The following ACOXL variants were observed in gnomAD, a reference collection of about 807,000 sequenced individuals.
The protein encoded by ACOXL is acyl-CoA oxidase like.
In ACOXL, 70 loss-of-function variants were observed where a neutral mutation model predicts 71.9. The ratio of observed to expected loss-of-function variants is 0.97; its 90% confidence interval spans 0.80 to 1.19. ACOXL has a LOEUF of 1.19. Among genes scored for constraint, ACOXL ranks in the 50% most tolerant of loss-of-function variants. ACOXL has a pLI of 0.00. For synonymous variants in ACOXL, 253 were observed against 281.6 expected (o/e 0.90, Z 1.02); for missense variants, 703 against 736.3 (o/e 0.95, Z 0.52).
At position 111,040,202 on chromosome 2, in the gene ACOXL, T is replaced by C. The variant is rs1558900745; in HGVS notation, c.1369+8488T>C. On this transcript the variant is annotated intron_variant, in intron 15 of 17. Coordinates refer to ENST00000439055, the MANE Select transcript of ACOXL (RefSeq NM_001142807.4). ...GAGCAGCTGAGCTCAGTTTGCTCTGTTCTTTCTTCTTGCAAGAATCACACA... is the reference window on the plus strand; with the variant it reads ...GAGCAGCTGAGCTCAGTTTGCTCTGCTCTTTCTTCTTGCAAGAATCACACA... Among the ~76,000 whole-genome samples, 4 of 152,198 alleles carry C rather than the reference T, an allele frequency of 2.6e-5. No homozygotes were observed. In the South Asian group the frequency reaches 8.3e-4, roughly 32 times the overall value.
intron 12 of ACOXL, among the ~76,000 whole-genome samples, chr2:110,948,010 T>G (rs2061172273): frequency 7.9e-5 from 12 of 152,228 alleles, no homozygotes; most frequent in Admixed American, 7.9e-4. Flanking sequence ...CAGCAGGACT[T>G]TGTCTTCCCA....
chr2:110,754,069 A>ATTTT, intron 1 of ACOXL, among the ~76,000 whole-genome samples: 1 of 136,936 alleles, frequency 7.3e-6, no homozygotes, highest in Admixed American at 7.2e-5. Context: ...TAGTTCTGTG[A>ATTTT]ATTTTTTTTT....
At chr2:111,037,951 C>A (rs1391208494) in intron 15 of ACOXL, among the ~76,000 whole-genome samples, 1 of 152,216 alleles carries the variant, frequency 6.6e-6, no homozygotes, top group African/African-American at 2.4e-5. Flanking sequence ...TCCTACTACT[C>A]TTACTGGATT....
At position 110,757,061 on chromosome 2, in the gene ACOXL, C is replaced by G. The variant is rs77945874; in HGVS notation, c.-22-11307C>G. Among the ~76,000 whole-genome samples, 310 of 152,262 alleles carry G rather than the reference C, an allele frequency of 2.0e-3. 3 individuals carry two copies. The highest frequency in any genetic ancestry group is 0.02 in the East Asian group (105 of 5,186). ...TGATGCTCTCCCTCCTCCAACCCCC[C>G]CCAAGACAGGCTCCAGTGCATGTTG... is the stretch of plus-strand genomic sequence containing the variant. On this transcript the variant is annotated intron_variant, in intron 1 of 17. Transcript: ENST00000439055.
chr2:110,867,914 C>G (rs762423130), intron 10 of ACOXL, among the ~76,000 whole-genome samples: 10 of 152,228 alleles, frequency 6.6e-5, no homozygotes, highest in Non-Finnish European at 1.2e-4. Context: ...AGGTGCCCAC[C>G]ACCACGCTCA....
intron 2 of ACOXL, among the ~76,000 whole-genome samples, chr2:110,778,006 G>T (rs1682865031): frequency 6.6e-6 from 1 of 152,262 alleles, no homozygotes; most frequent in Non-Finnish European, 1.5e-5. Flanking sequence ...ATTGGGACCA[G>T]CCAGCAGGCA....
rs191496522 is a variant in ACOXL, at chr2:110,921,976, A to G, written c.906-11513A>G. Among the ~76,000 whole-genome samples the G allele has an allele frequency of 2.9e-3, 447 of 152,294 alleles. 3 individuals are homozygous for G. Among genetic ancestry groups the G allele is most frequent in the African/African-American group, 0.01 (420 of 41,566 alleles). On this transcript the variant is annotated intron_variant, in intron 11 of 17. Transcript: ENST00000439055. ...TATGGCTCAGTAAAAATAGTGTTCT[A>G]TGTACACTTAAAAAGGATGTGTATT...
intron 11 of ACOXL, among the ~76,000 whole-genome samples, chr2:110,930,995 C>G (rs943805251): frequency 6.6e-6 from 1 of 152,140 alleles, no homozygotes; most frequent in African/African-American, 2.4e-5. Context: ...GTGGATGTAA[C>G]CCATAAACAA....
intron 14 of ACOXL, among the ~76,000 whole-genome samples, chr2:111,028,496 C>G (rs1418298799): frequency 1.3e-5 from 2 of 152,060 alleles, no homozygotes; most frequent in Non-Finnish European, 2.9e-5. Context: ...CCTTTTCTTG[C>G]CTTATTGCCC....
chr2:111,037,417 C>T (rs1289656248), intron 15 of ACOXL, among the ~76,000 whole-genome samples: 2 of 152,108 alleles, frequency 1.3e-5, no homozygotes, highest in Non-Finnish European at 2.9e-5. Flanking sequence ...GGAAGAAAGG[C>T]AAAAGCAAAG....
chr2:110,956,626 G>A (rs1473436344), intron 12 of ACOXL, among the ~76,000 whole-genome samples: 2 of 152,162 alleles, frequency 1.3e-5, no homozygotes, highest in Admixed American at 1.3e-4. Flanking sequence ...AGTGCCACCC[G>A]AAGACACGGT....
intron 14 of ACOXL, among the ~76,000 whole-genome samples, chr2:111,008,580 A>C (rs1226752201): frequency 6.6e-6 from 1 of 152,244 alleles, no homozygotes; most frequent in East Asian, 1.9e-4. Context: ...GTTACAGTGA[A>C]TAACCTTATT....
intron 12 of ACOXL, chr2:110,963,573 G>T (rs1359547084): frequency 1.6e-6 from 1 of 619,296 alleles, no homozygotes. Flanking sequence ...AAATGTGTGT[G>T]TGTGTGTGTG....
At chr2:110,855,209 T>C (rs1261304225) in intron 10 of ACOXL, among the ~76,000 whole-genome samples, 1 of 152,252 alleles carries the variant, frequency 6.6e-6, no homozygotes, top group Admixed American at 6.5e-5. Context: ...TGGCAACAGT[T>C]ATTCCTGACC....
rs191290642 is a variant in ACOXL at position 111,080,436 on chromosome 2, T to G, written c.1441-12429T>G. On this transcript the variant is annotated intron_variant, in intron 16 of 17. Coordinates refer to ENST00000439055, the MANE Select transcript of ACOXL (RefSeq NM_001142807.4). ...ATGTTGTGTCTTTGTTCTCATTGGTTTCAAGAACTTATTTATTTCTGCCTA... is the reference window on the plus strand; with the variant it reads ...ATGTTGTGTCTTTGTTCTCATTGGTGTCAAGAACTTATTTATTTCTGCCTA... Among the ~76,000 whole-genome samples, 14 of 152,314 alleles carry G rather than the reference T, an allele frequency of 9.2e-5. No homozygotes were observed. In the East Asian group the frequency reaches 2.7e-3, roughly 29 times the overall value.
chr2:111,090,029 G>T (rs2068436566), intron 16 of ACOXL, among the ~76,000 whole-genome samples: 2 of 152,220 alleles, frequency 1.3e-5, no homozygotes, highest in Admixed American at 1.3e-4. Context: ...ACTAAGTGGA[G>T]ATGTGAAAAA....
chr2:110,803,252 G>GACTC (rs1259871326), intron 8 of ACOXL, among the ~76,000 whole-genome samples: 1 of 152,160 alleles, frequency 6.6e-6, no homozygotes, highest in Non-Finnish European at 1.5e-5. Context: ...AAAGTAGGAG[G>GACTC]ACTCATACCT....
chr2:111,109,250 G>A (rs1043035298), intron 17 of ACOXL, among the ~76,000 whole-genome samples: 2 of 152,190 alleles, frequency 1.3e-5, no homozygotes, highest in African/African-American at 4.8e-5. Context: ...CATTTAAGGT[G>A]TTTATGGACT....
intron 14 of ACOXL, among the ~76,000 whole-genome samples, chr2:111,005,450 C>T (rs913513639): frequency 6.6e-6 from 1 of 152,158 alleles, no homozygotes; most frequent in Non-Finnish European, 1.5e-5. Context: ...CTAGAGCTTC[C>T]TGTATAGAAA....
Sources: allele counts gnomAD v4.1 joint callset (sites outside exome capture counted in the v4.1 genomes callset), GRCh38; gene constraint gnomAD v4.1.1; transcripts MANE v1.5; gene names NCBI Gene and HGNC (gene_info 2026-07-23, HGNC 2026-07-21).